NOX4: variants seen among roughly 807,000 people sequenced by gnomAD.
NOX4 encodes kidney oxidase-1.
In NOX4, 69 loss-of-function variants were observed where a neutral mutation model predicts 87.6. The ratio of observed to expected loss-of-function variants is 0.79; its 90% CI spans 0.65 to 0.96. The LOEUF is 0.96. Among genes scored for constraint, NOX4 ranks in the 40% least tolerant of loss-of-function variants. The pLI is 0.00. For missense variants in NOX4, 680 were observed against 681.5 expected, an observed-to-expected ratio of 1.00 and a Z score of 0.02; for synonymous variants, 275 against 238.2, an observed-to-expected ratio of 1.15 and a Z score of -1.42.
chr11:89,355,983 G>A (rs892397378), intron 12 of NOX4, among the ~76,000 whole-genome samples: 2 of 152,022 alleles, frequency 1.3e-5, no homozygotes, highest in Admixed American at 1.3e-4. Context: ...GAAACTGAAT[G>A]ATTTTATTTA....
intron 2 of NOX4, among the ~76,000 whole-genome samples, chr11:89,464,989 T>G (rs1299530199): frequency 2.6e-5 from 4 of 152,268 alleles, no homozygotes; most frequent in Admixed American, 2.6e-4. Flanking sequence ...CCTTTATTTT[T>G]AAAAAACATT....
chr11:89,441,183 T>G (rs1011980677), intron 5 of NOX4, among the ~76,000 whole-genome samples: 5 of 152,198 alleles, frequency 3.3e-5, no homozygotes, highest in African/African-American at 1.2e-4. Context: ...CGAAGAAGAC[T>G]AATTGAGAGC....
At chr11:89,419,773 G>T (rs1389999461) in intron 8 of NOX4, among the ~76,000 whole-genome samples, 1 of 151,822 alleles carries the variant, frequency 6.6e-6, no homozygotes, top group East Asian at 1.9e-4. Flanking sequence ...AAAAAGTAAA[G>T]AACTCTCAAT....
chr11:89,378,345 C>T (rs1228149060), intron 11 of NOX4, among the ~76,000 whole-genome samples: 2 of 152,154 alleles, frequency 1.3e-5, no homozygotes, highest in African/African-American at 4.8e-5. Context: ...TAGGTTGAAT[C>T]CCAGTAACTG....
At chr11:89,422,574 T>A (rs1943137531) in intron 7 of NOX4, among the ~76,000 whole-genome samples, 1 of 152,140 alleles carries the variant, frequency 6.6e-6, no homozygotes. Flanking sequence ...GAGAAACAGT[T>A]ATTTTATTTC....
chr11:89,551,974 T>C, the NOX4 span, among the ~76,000 whole-genome samples: 1 of 152,028 alleles, frequency 6.6e-6, no homozygotes, highest in Non-Finnish European at 1.5e-5. Context: ...AATCCAATGA[T>C]TCTCTTACAC....
the NOX4 span, among the ~76,000 whole-genome samples, chr11:89,512,053 T>C: frequency 5.9e-5 from 9 of 152,106 alleles, no homozygotes; most frequent in African/African-American, 9.6e-5. Flanking sequence ...TTACCTGATA[T>C]GTTATCAGCT....
intron 7 of NOX4, among the ~76,000 whole-genome samples, chr11:89,429,432 GA>G (rs1387568876): frequency 6.6e-6 from 1 of 152,002 alleles, no homozygotes; most frequent in Non-Finnish European, 1.5e-5. Context: ...CTGGTTTTTT[GA>G]AAAGATCAAC....
rs550924409 is a variant in NOX4 at position 89,421,410 on chromosome 11, T to C, written c.629+492A>G. On this transcript the variant is annotated intron_variant, in intron 8 of 17. Coordinates refer to ENST00000263317, the MANE Select transcript of NOX4 (RefSeq NM_016931.5). ...GATACATTATTTTTTCACTTTATGT[T>C]TTTTTTCCTTGGTGATTTTGACAGA... Among the ~76,000 whole-genome samples the C allele has an allele frequency of 2.0e-5, 3 of 152,256 alleles. No individual in the cohort carries two copies. The South Asian group carries it at 6.2e-4, about 32-fold the overall frequency.
chr11:89,421,850 T>C (rs984761550), intron 8 of NOX4, 52 bp downstream of exon 8: 10 of 1,079,628 alleles, frequency 9.3e-6, no homozygotes, highest in Non-Finnish European at 1.1e-5. Context: ...TTTCTTTCAT[T>C]ACCCCATTTT....
rs767957684 is a variant in NOX4 at position 89,340,082 on chromosome 11, A to T, written c.1427T>A (p.Leu476His). The change falls in exon 15 of 18, where the codon CTC (leucine) becomes CAC (histidine). Residue 476 changes from leucine to histidine, a missense_variant. Transcript: ENST00000263317. The part of the protein sequence containing the change: ...IQSFRWFADL[L>H]CMLHNKFWQE... ...TGTTACCTTGTTATGCAACATACAG[A>T]GTAAATCTGCAAACCAACGGAAGGA... 6.4e-7 allele frequency: 1 copy of T among 1,565,564 alleles called. No individual in the cohort carries two copies. The highest frequency in any genetic ancestry group is 1.4e-5 in the African/African-American group (1 of 71,432).
At chr11:89,480,512 A>G (rs550384935) in intron 2 of NOX4, among the ~76,000 whole-genome samples, 1 of 152,306 alleles carries the variant, frequency 6.6e-6, no homozygotes, top group East Asian at 1.9e-4. Flanking sequence ...TAAAACAGTA[A>G]GGTGAATTAT....
At chr11:89,406,983 A>G (rs1942221873) in intron 8 of NOX4, among the ~76,000 whole-genome samples, 1 of 152,084 alleles carries the variant, frequency 6.6e-6, no homozygotes, top group African/African-American at 2.4e-5. Flanking sequence ...GCATTCCAAT[A>G]TGAGGAAGCC....
intron 7 of NOX4, among the ~76,000 whole-genome samples, chr11:89,425,900 A>C (rs1943370478): frequency 6.6e-6 from 1 of 152,146 alleles, no homozygotes; most frequent in South Asian, 2.1e-4. Flanking sequence ...TTCACATCTG[A>C]ACAAGTAGAA....
chr11:89,363,336 TG>T (rs1938675948), intron 12 of NOX4, among the ~76,000 whole-genome samples: 1 of 152,140 alleles, frequency 6.6e-6, no homozygotes, highest in African/African-American at 2.4e-5. Context: ...ATCAATATTT[TG>T]GATAATCAGA....
chr11:89,362,421 G>C (rs1244832738), intron 12 of NOX4, among the ~76,000 whole-genome samples: 1 of 151,948 alleles, frequency 6.6e-6, no homozygotes, highest in Non-Finnish European at 1.5e-5. Flanking sequence ...AATCCATTTT[G>C]ATTACTCTTC....
chr11:89,398,117 C>A lies in NOX4; in HGVS notation c.1074+1900G>T, dbSNP rs538074428. Among the ~76,000 whole-genome samples the A allele has an allele frequency of 2.0e-4, 30 of 151,954 alleles. No homozygotes were observed. In the South Asian group the frequency reaches 2.3e-3, roughly 12 times the overall value. ...ACAGCACATCAAAAAACTTATCCAC[C>A]GAGATCAAGTTGGCTTAATCCCTGG... On this transcript the variant is annotated intron_variant, in intron 11 of 17. Coordinates refer to ENST00000263317, the MANE Select transcript of NOX4 (RefSeq NM_016931.5).
the NOX4 span, among the ~76,000 whole-genome samples, chr11:89,538,171 C>G: frequency 1.2e-4 from 18 of 152,306 alleles, no homozygotes; most frequent in Admixed American, 3.3e-4. Flanking sequence ...AACTGCAGTT[C>G]CATTCATCTA....
chr11:89,348,226 C>A (rs1047461979), intron 13 of NOX4, among the ~76,000 whole-genome samples: 4 of 151,906 alleles, frequency 2.6e-5, no homozygotes, highest in African/African-American at 9.7e-5. Context: ...ACTAGCCTGG[C>A]CAATATGGTG....
Sources: allele counts gnomAD v4.1 joint callset (sites outside exome capture counted in the v4.1 genomes callset), GRCh38; gene constraint gnomAD v4.1.1; transcripts MANE v1.5; gene names NCBI Gene and HGNC (gene_info 2026-07-23, HGNC 2026-07-21).